Variants in SLC44A5 observed in about 807,000 individuals in gnomAD.
SLC44A5 encodes choline transporter-like protein 5.
A neutral mutation model predicts 101.8 loss-of-function variants in SLC44A5; 57 were observed. The ratio of observed to expected loss-of-function variants is 0.56; its 90% CI spans 0.45 to 0.70. SLC44A5 has a LOEUF of 0.70. SLC44A5 is among the 30% of genes least tolerant of loss of function. The pLI is 0.00. For synonymous variants in SLC44A5, 281 were observed against 290.9 expected (o/e 0.97, Z 0.35); for missense variants, 737 against 853.1 (o/e 0.86, Z 1.70).
chr1:75,309,604 T>G (rs1288184025), intron 4 of SLC44A5, among the ~76,000 whole-genome samples: 1 of 152,224 alleles, frequency 6.6e-6, no homozygotes, highest in Non-Finnish European at 1.5e-5. Context: ...AGTATGCTAT[T>G]GGTAAACTTT....
chr1:75,303,870 G>A (rs1654699418), intron 4 of SLC44A5, among the ~76,000 whole-genome samples: 1 of 152,000 alleles, frequency 6.6e-6, no homozygotes, highest in Admixed American at 6.6e-5. Context: ...CGAGTTAATG[G>A]GTGCAGCACA....
the SLC44A5 span, among the ~76,000 whole-genome samples, chr1:75,716,824 G>T: frequency 6.6e-6 from 1 of 152,044 alleles, no homozygotes; most frequent in Non-Finnish European, 1.5e-5. Flanking sequence ...CTGAGCTCAG[G>T]AGTTCAAGAC....
intron 9 of SLC44A5, among the ~76,000 whole-genome samples, chr1:75,240,711 A>T (rs1232674720): frequency 6.6e-6 from 1 of 152,024 alleles, no homozygotes; most frequent in Non-Finnish European, 1.5e-5. Context: ...GGTGGTAGCT[A>T]CTTCAGTGGG....
At chr1:75,338,529 T>C (rs139023671) in intron 4 of SLC44A5, among the ~76,000 whole-genome samples, 1,619 of 152,314 alleles carry the variant, frequency 0.011, 14 homozygotes, top group Non-Finnish European at 0.018. Context: ...TATTGTAAAA[T>C]GGATGTAATC....
intron 3 of SLC44A5, among the ~76,000 whole-genome samples, chr1:75,349,109 G>C (rs1235314564): frequency 6.6e-6 from 1 of 152,182 alleles, no homozygotes; most frequent in East Asian, 1.9e-4. Context: ...CAGCACTTTG[G>C]GAGGCCAAGG....
Position 75,471,731 on chromosome 1 carries a change from C to T in SLC44A5, c.13+69704G>A, listed in dbSNP as rs185155452. Among the ~76,000 whole-genome samples the T allele has an allele frequency of 3.7e-3, 563 of 152,124 alleles. 7 individuals are homozygous for T. Among genetic ancestry groups the T allele is most frequent in the Non-Finnish European group, 5.9e-3 (399 of 68,014 alleles). On this transcript the variant is annotated intron_variant, in intron 2 of 23. Transcript: ENST00000370859. ...CTCCAGACTGGCAGCTTTTTCTTAG[C>T]TCAGTCTCTAAACCCTTTGTGTAGT...
intron 1 of SLC44A5, among the ~76,000 whole-genome samples, chr1:75,588,144 C>T (rs2102095703): frequency 6.6e-6 from 1 of 151,256 alleles, no homozygotes; most frequent in Middle Eastern, 3.4e-3. Context: ...ACAAAGAAAA[C>T]TTTGACTATG....
chr1:75,228,722 C>A (rs1364337257), intron 12 of SLC44A5, among the ~76,000 whole-genome samples: 1 of 151,494 alleles, frequency 6.6e-6, no homozygotes, highest in Non-Finnish European at 1.5e-5. Flanking sequence ...GCAATCTACT[C>A]TATTTTTATA....
intron 2 of SLC44A5, among the ~76,000 whole-genome samples, chr1:75,470,783 C>G (rs1022451968): frequency 1.3e-5 from 2 of 152,056 alleles, no homozygotes; most frequent in African/African-American, 2.4e-5. Flanking sequence ...TTGGGAGGGG[C>G]TGTCCAGGTG....
intron 2 of SLC44A5, among the ~76,000 whole-genome samples, chr1:75,494,760 G>C (rs746929764): frequency 6.6e-6 from 1 of 152,212 alleles, no homozygotes; most frequent in Non-Finnish European, 1.5e-5. Flanking sequence ...TGAGCACACA[G>C]AAATTTTCCA....
At chr1:75,417,444 T>C (rs1206682999) in intron 2 of SLC44A5, among the ~76,000 whole-genome samples, 1 of 152,240 alleles carries the variant, frequency 6.6e-6, no homozygotes, top group Non-Finnish European at 1.5e-5. Flanking sequence ...GAAAACAGAC[T>C]AATACAGAAT....
At chr1:75,377,227 G>A (rs909246965) in intron 3 of SLC44A5, among the ~76,000 whole-genome samples, 7 of 135,200 alleles carry the variant, frequency 5.2e-5, no homozygotes, top group Admixed American at 2.3e-4. Context: ...CCCCAACCCC[G>A]TGCTCTCTGA....
intron 5 of SLC44A5, among the ~76,000 whole-genome samples, chr1:75,292,581 A>C (rs900180200): frequency 3.3e-5 from 5 of 152,208 alleles, no homozygotes; most frequent in Non-Finnish European, 7.3e-5. Context: ...AATTTTTTTA[A>C]TTACTGAAGA....
intron 14 of SLC44A5, 123 bp downstream of exon 14, chr1:75,222,238 G>T: frequency 1.4e-6 from 1 of 714,478 alleles, no homozygotes; most frequent in Non-Finnish European, 2.4e-6. Context: ...TTACAGGTGT[G>T]AACCACCGCG....
chr1:75,462,159 AC>A (rs1666537335), intron 2 of SLC44A5, among the ~76,000 whole-genome samples: 1 of 152,164 alleles, frequency 6.6e-6, no homozygotes, highest in Non-Finnish European at 1.5e-5. Context: ...ATGTCACTCC[AC>A]CCCCATCTCC....
chr1:75,413,416 C>A (rs532644078), intron 2 of SLC44A5, among the ~76,000 whole-genome samples: 2 of 152,272 alleles, frequency 1.3e-5, no homozygotes, highest in South Asian at 4.1e-4. Context: ...GAGCCAACCA[C>A]AGGACCAACA....
intron 6 of SLC44A5, among the ~76,000 whole-genome samples, chr1:75,255,364 A>G (rs1649929773): frequency 6.6e-6 from 1 of 152,110 alleles, no homozygotes; most frequent in Non-Finnish European, 1.5e-5. Flanking sequence ...GATTATTCAC[A>G]AAATAAAAAT....
chr1:75,569,198 C>T (rs1466291093), intron 1 of SLC44A5, among the ~76,000 whole-genome samples: 1 of 151,262 alleles, frequency 6.6e-6, no homozygotes, highest in African/African-American at 2.4e-5. Flanking sequence ...CTTCAAATAA[C>T]CTTTCATGAC....
chr1:75,603,787 CT>C (rs1469481226), intron 1 of SLC44A5, among the ~76,000 whole-genome samples: 120 of 39,830 alleles, frequency 3.0e-3, no homozygotes, highest in African/African-American at 0.012. Context: ...TGTATGTCTT[CT>C]TTTTTTTAAT....
Sources: gnomAD v4.1 joint callset for allele counts (sites outside exome capture counted in the v4.1 genomes callset) on GRCh38, gnomAD v4.1.1 for gene constraint, MANE v1.5 for transcripts, NCBI Gene and HGNC (gene_info 2026-07-23, HGNC 2026-07-21) for gene names.